Variants in CACNA1C observed in about 807,000 individuals in gnomAD.
The protein encoded by CACNA1C is calcium voltage-gated channel subunit alpha1 C.
In CACNA1C, 30 loss-of-function variants were observed where a neutral mutation model predicts 229.0. That is an observed-to-expected ratio of 0.13 (90% CI 0.10 to 0.18). The LOEUF is 0.18. Among genes scored for constraint, CACNA1C ranks in the 10% least tolerant of loss-of-function variants. The probability of loss-of-function intolerance (pLI) is 1.00; values close to 1 mark genes in which losing one functional copy is unlikely to be tolerated. For synonymous variants in CACNA1C, 1,114 were observed against 1,132.5 expected, an observed-to-expected ratio of 0.98 and a Z score of 0.33; for missense variants, 1,658 against 2,845.0, an observed-to-expected ratio of 0.58 and a Z score of 9.49.
chr12:2,453,273 C>A (rs1036689555), intron 4 of CACNA1C, among the ~76,000 whole-genome samples: 1 of 152,182 alleles, frequency 6.6e-6, no homozygotes, highest in Non-Finnish European at 1.5e-5. Flanking sequence ...TCTGCTAATG[C>A]ATCTGGCTAA....
At chr12:2,674,441 C>A (rs1462510033) in intron 38 of CACNA1C, 100 bp from the exon 39 acceptor site, 1 of 1,469,910 alleles carries the variant, frequency 6.8e-7, no homozygotes, top group Admixed American at 2.3e-5. Context: ...GTCAGGGTTG[C>A]GTGGGGCAGA....
chr12:2,206,712 C>T (rs190467978), intron 3 of CACNA1C, among the ~76,000 whole-genome samples: 1 of 152,294 alleles, frequency 6.6e-6, no homozygotes, highest in Non-Finnish European at 1.5e-5. Context: ...ATTCTGTCAG[C>T]TGTCACATCT....
chr12:2,691,118 G>A lies in CACNA1C; in HGVS notation c.6336G>A (p.Glu2112=), dbSNP rs1188477095. The A allele has an allele frequency of 1.2e-6, 2 of 1,610,388 alleles. No homozygotes were observed. Among genetic ancestry groups the A allele is most frequent in the African/African-American group, 1.3e-5 (1 of 74,840 alleles). The change falls in exon 47 of 47, where the codon GAG becomes GAA. Residue 2112 remains glutamate, a synonymous_variant. Coordinates refer to ENST00000399655, the MANE Select transcript of CACNA1C (RefSeq NM_000719.7). ...GGCAGGACCGAGCCGGGGGCGAAGA[G>A]GACGCGGGCTGTGTGCGCGCGCGGG... The part of the protein sequence containing the change: ...DAGQDRAGGE[E]DAGCVRARGR...
intron 5 of CACNA1C, among the ~76,000 whole-genome samples, chr12:2,485,460 G>A (rs2099694080): frequency 6.6e-6 from 1 of 152,186 alleles, no homozygotes; most frequent in African/African-American, 2.4e-5. Flanking sequence ...CGCGGTGCAA[G>A]CCCCAGACCT....
intron 3 of CACNA1C, among the ~76,000 whole-genome samples, chr12:2,198,437 G>A (rs1478934492): frequency 1.3e-5 from 2 of 152,170 alleles, no homozygotes; most frequent in African/African-American, 2.4e-5. Flanking sequence ...ATGACTCACC[G>A]TTTAACAATT....
At chr12:2,083,930 G>A (rs2066608331) in intron 1 of CACNA1C, among the ~76,000 whole-genome samples, 1 of 152,074 alleles carries the variant, frequency 6.6e-6, no homozygotes, top group African/African-American at 2.4e-5. Context: ...TAAAACAAGT[G>A]GAATCATGAC....
chr12:2,273,338 T>A (rs906762563), intron 3 of CACNA1C, among the ~76,000 whole-genome samples: 116 of 152,332 alleles, frequency 7.6e-4, no homozygotes, highest in African/African-American at 2.8e-3. Flanking sequence ...TCTTTTCAAA[T>A]ATTTTCTATC....
rs1027620410 is a variant in CACNA1C at position 2,397,452 on chromosome 12, C to G, written c.478-51524C>G. Among the ~76,000 whole-genome samples, 40 of 152,230 alleles carry G rather than the reference C, an allele frequency of 2.6e-4. 1 individual carries two copies. Among genetic ancestry groups the G allele is most frequent in the Admixed American group, 4.6e-4 (7 of 15,288 alleles). On this transcript the variant is annotated intron_variant, in intron 3 of 46. Coordinates refer to ENST00000399655, the MANE Select transcript of CACNA1C (RefSeq NM_000719.7). The stretch of plus-strand genomic sequence containing the variant: ...CAGAGCCCCCAGGAGCTTTCACGCT[C>G]TAGGAGCAAGTCAGGTAAGCAGCAG...
chr12:2,648,115 G>T (rs543831216), intron 30 of CACNA1C, among the ~76,000 whole-genome samples: 3 of 152,260 alleles, frequency 2.0e-5, no homozygotes, highest in Admixed American at 2.0e-4. Context: ...TCCAGCCTGG[G>T]CAACAGAGCT....
intron 29 of CACNA1C, among the ~76,000 whole-genome samples, chr12:2,629,391 A>G (rs540686469): frequency 1.3e-5 from 2 of 152,342 alleles, no homozygotes; most frequent in South Asian, 2.1e-4. Flanking sequence ...AGGAAGTACC[A>G]CTGGACCATG....
At chr12:2,688,122 C>A (rs563898029) in intron 45 of CACNA1C, among the ~76,000 whole-genome samples, 22 of 152,298 alleles carry the variant, frequency 1.4e-4, no homozygotes, top group Non-Finnish European at 2.6e-4. Flanking sequence ...GAGGACAAAA[C>A]CAAGAGCGAG....
At chr12:2,444,208 A>G (rs551926053) in intron 3 of CACNA1C, among the ~76,000 whole-genome samples, 1 of 152,340 alleles carries the variant, frequency 6.6e-6, no homozygotes, top group East Asian at 1.9e-4. Context: ...TGTGATGAAC[A>G]GACCTTTGGC....
chr12:2,161,563 C>T (rs933306837), intron 3 of CACNA1C, among the ~76,000 whole-genome samples: 5 of 152,136 alleles, frequency 3.3e-5, no homozygotes, highest in Non-Finnish European at 5.9e-5. Context: ...GCAAGGCAAA[C>T]GAATCTAGAG....
At chr12:2,255,078 G>C (rs1015678739) in intron 3 of CACNA1C, among the ~76,000 whole-genome samples, 9 of 152,170 alleles carry the variant, frequency 5.9e-5, no homozygotes, top group Admixed American at 2.0e-4. Flanking sequence ...CCACGGCTGT[G>C]GATGCGTAGA....
chr12:2,326,609 T>A (rs950070804), intron 3 of CACNA1C, among the ~76,000 whole-genome samples: 4 of 152,204 alleles, frequency 2.6e-5, no homozygotes, highest in Admixed American at 2.6e-4. Context: ...GACCCCTGCC[T>A]CCTAGCTCTC....
intron 3 of CACNA1C, among the ~76,000 whole-genome samples, chr12:2,258,229 G>A (rs559425866): frequency 8.2e-4 from 125 of 152,276 alleles, no homozygotes; most frequent in Non-Finnish European, 1.6e-3. Context: ...TGAGGAATTC[G>A]CTTGTTTCCG....
chr12:2,539,275 GGTTTAAGGA>G (rs1377603792), intron 9 of CACNA1C, among the ~76,000 whole-genome samples: 103 of 104,546 alleles, frequency 9.9e-4, no homozygotes, highest in South Asian at 2.1e-3. Context: ...ATGCAGGCAG[GGTTTAAGGA>G]CTTAAGGAGG....
chr12:2,219,440 G>A (rs1040860043), intron 3 of CACNA1C, among the ~76,000 whole-genome samples: 15 of 152,160 alleles, frequency 9.9e-5, no homozygotes, highest in Admixed American at 2.0e-4. Flanking sequence ...CTCAACCCTG[G>A]AAATGCTCTT....
chr12:2,483,551 T>C (rs1360973510), intron 5 of CACNA1C, among the ~76,000 whole-genome samples: 1 of 152,188 alleles, frequency 6.6e-6, no homozygotes, highest in Non-Finnish European at 1.5e-5. Flanking sequence ...TAATAAGTAT[T>C]TTCTGTTTTC....
Sources: gnomAD v4.1 joint callset for allele counts (sites outside exome capture counted in the v4.1 genomes callset) on GRCh38, gnomAD v4.1.1 for gene constraint, MANE v1.5 for transcripts, NCBI Gene and HGNC (gene_info 2026-07-23, HGNC 2026-07-21) for gene names.